KIAA0825: variants seen among roughly 807,000 people sequenced by gnomAD.
The protein encoded by KIAA0825 is uncharacterized protein KIAA0825.
In KIAA0825, 119 loss-of-function variants were observed where a neutral mutation model predicts 147.6. The ratio of observed to expected loss-of-function variants is 0.81; its 90% CI spans 0.69 to 0.94. KIAA0825 has a LOEUF of 0.94. Ranked by LOEUF, KIAA0825 falls within the 40% of genes least tolerant of loss-of-function variation. The pLI, the probability that KIAA0825 is intolerant of heterozygous loss-of-function variation, is 0.00. For missense variants in KIAA0825, 1,381 were observed against 1,472.7 expected (o/e 0.94, Z 1.02); for synonymous variants, 470 against 518.1 (o/e 0.91, Z 1.26).
intron 20 of KIAA0825, among the ~76,000 whole-genome samples, chr5:94,366,283 C>T (rs143156229): frequency 1.7e-4 from 26 of 152,294 alleles, no homozygotes; most frequent in Admixed American, 3.9e-4. Flanking sequence ...GAACCCACTG[C>T]GGGGTTACAT....
intron 8 of KIAA0825, among the ~76,000 whole-genome samples, chr5:94,472,963 C>T (rs1345464689): frequency 6.6e-6 from 1 of 152,108 alleles, no homozygotes; most frequent in Non-Finnish European, 1.5e-5. Flanking sequence ...AAAGACAGCA[C>T]TTCCTTCAAC....
At chr5:94,371,236 A>C (rs553647701) in intron 20 of KIAA0825, among the ~76,000 whole-genome samples, 26 of 152,300 alleles carry the variant, frequency 1.7e-4, no homozygotes, top group South Asian at 4.1e-4. Context: ...TCAGGTTTAG[A>C]GCTGTATCCT....
At chr5:94,339,350 A>G (rs1224629053) in intron 20 of KIAA0825, among the ~76,000 whole-genome samples, 1 of 152,110 alleles carries the variant, frequency 6.6e-6, no homozygotes, top group Non-Finnish European at 1.5e-5. Flanking sequence ...AAAATTGTAG[A>G]TAGATTTTTA....
chr5:94,297,645 G>C (rs1778197915), intron 20 of KIAA0825, among the ~76,000 whole-genome samples: 1 of 151,962 alleles, frequency 6.6e-6, no homozygotes, highest in Admixed American at 6.6e-5. Context: ...GCCCGGGCTA[G>C]AGTGCAGTGG....
At position 94,465,018 on chromosome 5, in the gene KIAA0825, G is replaced by A; in HGVS notation, c.1914C>T (p.Phe638=). The change falls in exon 11 of 21, where the codon TTC becomes TTT. Residue 638 remains phenylalanine, a synonymous_variant. Coordinates refer to ENST00000682413, the MANE Select transcript of KIAA0825 (RefSeq NM_001145678.3). The part of the protein sequence containing the change: ...CSFSIQMWHY[F]CWSLHYDLWT... ...AGAGATCGTAATGAAGAGACCAGCA[G>A]AAATAATGCCACATCTGGATCGAGA... 6.4e-7 allele frequency: 1 copy of A among 1,551,624 alleles called. No homozygotes were observed. Among genetic ancestry groups the A allele is most frequent in the Non-Finnish European group, 8.7e-7 (1 of 1,146,936 alleles).
At chr5:94,594,389 AG>A in intron 1 of KIAA0825, 1 of 766,534 alleles carries the variant, frequency 1.3e-6, no homozygotes, top group Non-Finnish European at 2.3e-6. Flanking sequence ...AGGTACTAGG[AG>A]GAATCAATTG....
At chr5:94,519,957 A>C (rs941409079) in intron 5 of KIAA0825, 9 of 991,878 alleles carry the variant, frequency 9.1e-6, no homozygotes, top group Non-Finnish European at 9.9e-6. Flanking sequence ...GTATACACAC[A>C]GTTTCACAAA....
chr5:94,389,536 T>G (rs1182383184), intron 18 of KIAA0825, among the ~76,000 whole-genome samples: 2 of 152,218 alleles, frequency 1.3e-5, no homozygotes, highest in African/African-American at 4.8e-5. Flanking sequence ...TCATTTTCCC[T>G]GATGACTTCT....
intron 3 of KIAA0825, among the ~76,000 whole-genome samples, chr5:94,526,971 G>T (rs997917511): frequency 2.0e-5 from 3 of 151,986 alleles, no homozygotes; most frequent in African/African-American, 7.2e-5. Flanking sequence ...TAGAAGAGGA[G>T]ATTATATGCA....
intron 13 of KIAA0825, among the ~76,000 whole-genome samples, chr5:94,447,143 G>A (rs766122304): frequency 1.2e-4 from 19 of 152,088 alleles, no homozygotes; most frequent in Non-Finnish European, 2.5e-4. Context: ...AGTTTGAGAT[G>A]TCTTTATGAT....
intron 20 of KIAA0825, among the ~76,000 whole-genome samples, chr5:94,334,649 A>T (rs1781618817): frequency 6.6e-6 from 1 of 151,878 alleles, no homozygotes; most frequent in South Asian, 2.1e-4. Flanking sequence ...TGCCCAGCTA[A>T]TTTTTTGTAT....
rs1210603850 is a variant in KIAA0825 at position 94,227,121 on chromosome 5, A to T, written c.3711-72997T>A. Among the ~76,000 whole-genome samples, 4 of 152,236 alleles carry T rather than the reference A, an allele frequency of 2.6e-5. No homozygotes were observed. In the East Asian group the frequency reaches 7.7e-4, roughly 29 times the overall value. ...ACGTATGTTTATTGCTGCACTATTC[A>T]CAATAGCAAAGATTTGGAACCAACC... On this transcript the variant is annotated intron_variant, in intron 20 of 20. Transcript: ENST00000682413.
At position 94,154,032 on chromosome 5, in the gene KIAA0825, G is replaced by A. The variant is rs777435686; in HGVS notation, c.3803C>T (p.Ala1268Val). ...KQICTPQNSS[A>V]SDNIEEQ ...TTACTGTTCCTCTATGTTATCTGAG[G>A]CAGAAGAGTTCTGTGGGGTGCAAAT... is the stretch of plus-strand genomic sequence containing the variant. Residue 1268 changes from alanine (A) to valine (V), a missense_variant, in exon 21 of 21, where the codon GCC becomes GTC. Physicochemically the swap from Ala to Val is moderately conservative, Grantham distance 64. Transcript: ENST00000682413. 7.1e-6 allele frequency: 11 copies of A among 1,551,262 alleles called. No individual in the cohort carries two copies. The highest frequency in any genetic ancestry group is 9.6e-6 in the Non-Finnish European group (11 of 1,146,598).
intron 20 of KIAA0825, among the ~76,000 whole-genome samples, chr5:94,293,745 T>C (rs1778010372): frequency 6.6e-6 from 1 of 152,198 alleles, no homozygotes; most frequent in Non-Finnish European, 1.5e-5. Context: ...TGAGGGAGTC[T>C]AAGTCTCTTT....
intron 5 of KIAA0825, among the ~76,000 whole-genome samples, chr5:94,514,799 C>T (rs753907814): frequency 2.6e-5 from 4 of 152,068 alleles, no homozygotes; most frequent in Non-Finnish European, 5.9e-5. Flanking sequence ...TCTATCTTCT[C>T]TTTGGTTTGA....
chr5:94,336,116 T>C (rs1343589644), intron 20 of KIAA0825, among the ~76,000 whole-genome samples: 1 of 152,112 alleles, frequency 6.6e-6, no homozygotes. Context: ...ACACCTGTAA[T>C]CTGAGCACTT....
At chr5:94,194,887 T>C (rs1770989854) in intron 20 of KIAA0825, among the ~76,000 whole-genome samples, 1 of 152,214 alleles carries the variant, frequency 6.6e-6, no homozygotes, top group African/African-American at 2.4e-5. Flanking sequence ...TCATCTTTTC[T>C]TAGAGCTAAC....
At chr5:94,550,461 A>G (rs760518304) in intron 2 of KIAA0825, among the ~76,000 whole-genome samples, 1 of 152,206 alleles carries the variant, frequency 6.6e-6, no homozygotes, top group Non-Finnish European at 1.5e-5. Context: ...AAGCTACTCC[A>G]TTAAATTGGA....
At chr5:94,456,442 A>T (rs1429970803) in intron 12 of KIAA0825, among the ~76,000 whole-genome samples, 1 of 152,122 alleles carries the variant, frequency 6.6e-6, no homozygotes, top group Non-Finnish European at 1.5e-5. Flanking sequence ...TTGTTTTTAT[A>T]GGATTTAACT....
Sources: gnomAD v4.1 joint callset for allele counts (sites outside exome capture counted in the v4.1 genomes callset) on GRCh38, gnomAD v4.1.1 for gene constraint, MANE v1.5 for transcripts, NCBI Gene and HGNC (gene_info 2026-07-23, HGNC 2026-07-21) for gene names.